The following EYS variants were observed in gnomAD, a reference collection of about 807,000 sequenced individuals.
The protein encoded by EYS is EGF-like photoreceptor maintenance factor.
In EYS, 250 loss-of-function variants were observed where a neutral mutation model predicts 282.1. That is an observed-to-expected ratio of 0.89 (90% CI 0.80 to 0.98). The LOEUF (loss-of-function observed/expected upper bound fraction) is 0.98, where lower values mean the gene tolerates loss of function less well. EYS is among the 50% of genes least tolerant of loss of function. EYS has a pLI of 0.00. For synonymous variants in EYS, 1,355 were observed against 1,282.9 expected (o/e 1.06, Z -1.20); for missense variants, 4,016 against 3,709.0 (o/e 1.08, Z -2.15).
At chr6:64,110,749 T>C (rs1773177736) in intron 31 of EYS, among the ~76,000 whole-genome samples, 1 of 151,790 alleles carries the variant, frequency 6.6e-6, no homozygotes, top group African/African-American at 2.4e-5. Flanking sequence ...CCTAAGGAAC[T>C]GTAAAAAGTG....
intron 12 of EYS, among the ~76,000 whole-genome samples, chr6:65,133,235 A>C (rs916075820): frequency 6.6e-6 from 1 of 152,046 alleles, no homozygotes; most frequent in African/African-American, 2.4e-5. Context: ...GAAACAACAA[A>C]AAAAAGTGCC....
chr6:64,737,799 G>A (rs757516894), intron 22 of EYS, among the ~76,000 whole-genome samples: 12 of 152,122 alleles, frequency 7.9e-5, no homozygotes, highest in Non-Finnish European at 1.6e-4. Context: ...GAACCATCGA[G>A]TAACTGTGAT....
intron 12 of EYS, among the ~76,000 whole-genome samples, chr6:65,238,485 A>C (rs1766981235): frequency 6.6e-6 from 1 of 151,920 alleles, no homozygotes; most frequent in Non-Finnish European, 1.5e-5. Flanking sequence ...TCATACCCAA[A>C]TTATTAGACC....
At chr6:65,404,519 C>T (rs1766642753) in intron 6 of EYS, among the ~76,000 whole-genome samples, 1 of 151,888 alleles carries the variant, frequency 6.6e-6, no homozygotes, top group Non-Finnish European at 1.5e-5. Flanking sequence ...GCCCTTGTAT[C>T]TCCAAATATT....
At chr6:64,418,056 G>A (rs190332554) in intron 28 of EYS, among the ~76,000 whole-genome samples, 2 of 152,080 alleles carry the variant, frequency 1.3e-5, no homozygotes, top group Non-Finnish European at 2.9e-5. Context: ...TGATTGTTTA[G>A]ATTCCAGAGT....
chr6:65,192,293 CTGTGTGTGTGTGTG>C (rs58238401), intron 12 of EYS, among the ~76,000 whole-genome samples: 3 of 142,812 alleles, frequency 2.1e-5, no homozygotes, highest in Non-Finnish European at 3.1e-5. Flanking sequence ...TTTTTCTACT[CTGTGTGTGTGTGTG>C]TGTGTGTGTG....
intron 33 of EYS, among the ~76,000 whole-genome samples, chr6:64,055,332 A>T (rs1370640660): frequency 6.6e-6 from 1 of 152,112 alleles, no homozygotes; most frequent in African/African-American, 2.4e-5. Flanking sequence ...TAACAATAAT[A>T]CTTTCGTTTG....
At chr6:63,995,043 G>T (rs1011863687) in intron 34 of EYS, among the ~76,000 whole-genome samples, 2 of 151,868 alleles carry the variant, frequency 1.3e-5, no homozygotes, top group African/African-American at 2.4e-5. Context: ...GTCAAAAAAA[G>T]CTTCTGTGCA....
At chr6:64,874,223 G>T (rs550799121) in intron 19 of EYS, among the ~76,000 whole-genome samples, 1 of 152,096 alleles carries the variant, frequency 6.6e-6, no homozygotes, top group East Asian at 1.9e-4. Context: ...CTCCTTTATA[G>T]GCAGCACATT....
Position 64,703,404 on chromosome 6 carries a change from C to T in EYS, c.3444-77159G>A, listed in dbSNP as rs1334955739. Among the ~76,000 whole-genome samples the T allele has an allele frequency of 1.5e-4, 5 of 32,796 alleles. No individual in the cohort carries two copies. In the East Asian group the frequency reaches 1.5e-3, roughly 10 times the overall value. The allele number at this position is 32,796 out of a possible 152,430, so 21.5% of individuals were successfully genotyped here. ...ACAGACACACACACACACACACACA[C>T]ACACACATATATATATATATATATA... is the stretch of plus-strand genomic sequence containing the variant. On this transcript the variant is annotated intron_variant, in intron 22 of 42. Transcript: ENST00000503581.
chr6:64,816,960 T>A (rs1387941710), intron 21 of EYS, among the ~76,000 whole-genome samples: 2 of 151,168 alleles, frequency 1.3e-5, no homozygotes, highest in African/African-American at 4.8e-5. Flanking sequence ...TATGGTAGTA[T>A]AGAATATATA....
At chr6:65,451,815 A>G (rs1056771751) in intron 5 of EYS, among the ~76,000 whole-genome samples, 1 of 151,916 alleles carries the variant, frequency 6.6e-6, no homozygotes. Context: ...ATATTCCAAC[A>G]TTTTATCTTT....
intron 2 of EYS, among the ~76,000 whole-genome samples, chr6:65,620,896 GAT>G (rs1766453015): frequency 6.6e-6 from 1 of 152,210 alleles, no homozygotes; most frequent in Non-Finnish European, 1.5e-5. Flanking sequence ...GTTCTAGTTT[GAT>G]AGCACTGTGG....
intron 18 of EYS, among the ~76,000 whole-genome samples, chr6:64,897,457 C>T (rs1248014243): frequency 6.6e-6 from 1 of 152,126 alleles, no homozygotes; most frequent in Non-Finnish European, 1.5e-5. Context: ...AGGTTACCAA[C>T]AGCAAAGACC....
At chr6:63,760,834 T>C (rs1342771044) in intron 41 of EYS, among the ~76,000 whole-genome samples, 1 of 151,956 alleles carries the variant, frequency 6.6e-6, no homozygotes, top group Non-Finnish European at 1.5e-5. Context: ...CCTTTAAGCA[T>C]CAAAACTGTG....
chr6:64,202,723 T>C (rs1765501745), intron 31 of EYS, among the ~76,000 whole-genome samples: 1 of 151,956 alleles, frequency 6.6e-6, no homozygotes, highest in Admixed American at 6.6e-5. Context: ...TCCATGAGAG[T>C]AGGCCCTAAG....
chr6:64,997,501 C>A, intron 14 of EYS, 81 bp downstream of exon 14: 2 of 1,353,678 alleles, frequency 1.5e-6, no homozygotes, highest in Non-Finnish European at 2.0e-6. Flanking sequence ...AACACACAGG[C>A]AAAAACTCAC....
At chr6:65,147,838 G>C (rs1019655086) in intron 12 of EYS, among the ~76,000 whole-genome samples, 7 of 152,068 alleles carry the variant, frequency 4.6e-5, no homozygotes, top group African/African-American at 1.7e-4. Flanking sequence ...TACAAGCATG[G>C]TGGAAGGGGA....
rs577855846 is a variant in EYS, at chr6:64,284,089, G to A, written c.6191+22881C>T. On this transcript the variant is annotated intron_variant, in intron 30 of 42. Coordinates refer to ENST00000503581, the MANE Select transcript of EYS (RefSeq NM_001142800.2). Reference sequence around the variant, plus strand: ...CATGCCTTCCCAACAGTCCCCCAAAGTGTTAACTCATTTCAACATTAACCC... The same window carrying A: ...CATGCCTTCCCAACAGTCCCCCAAAATGTTAACTCATTTCAACATTAACCC... Among the ~76,000 whole-genome samples, 45 of 152,206 alleles carry A rather than the reference G, an allele frequency of 3.0e-4. 1 individual carries two copies. In the South Asian group the frequency reaches 5.2e-3, roughly 18 times the overall value.
Sources: allele counts gnomAD v4.1 joint callset (sites outside exome capture counted in the v4.1 genomes callset), GRCh38; gene constraint gnomAD v4.1.1; transcripts MANE v1.5; gene names NCBI Gene and HGNC (gene_info 2026-07-23, HGNC 2026-07-21).